GALNTL6: variants seen among roughly 807,000 people sequenced by gnomAD.
GALNTL6 encodes the protein polypeptide N-acetylgalactosaminyltransferase-like 6.
A neutral mutation model predicts 73.7 loss-of-function variants in GALNTL6; 46 were observed. That is an observed-to-expected ratio of 0.62 (90% CI 0.49 to 0.80). GALNTL6 has a LOEUF of 0.80. GALNTL6 is among the 30% of genes least tolerant of loss of function. The pLI, the probability that GALNTL6 is intolerant of heterozygous loss-of-function variation, is 0.00. For synonymous variants in GALNTL6, 259 were observed against 263.7 expected (o/e 0.98, Z 0.17); for missense variants, 604 against 755.0 (o/e 0.80, Z 2.34).
rs1740074781 is a variant in GALNTL6, at chr4:172,304,950, A to C, written c.248-6664A>C. On this transcript the variant is annotated intron_variant, in intron 3 of 12. Transcript: ENST00000506823. ...ATACAAAGTTCATTAGTTTTCCACAATTTTGAAACTCTTCTAGGTCTTATT... is the reference window on the plus strand; with the variant it reads ...ATACAAAGTTCATTAGTTTTCCACACTTTTGAAACTCTTCTAGGTCTTATT... Among the ~76,000 whole-genome samples the C allele has an allele frequency of 2.6e-5, 4 of 152,292 alleles. No homozygotes were observed. The South Asian group carries it at 8.3e-4, about 32-fold the overall frequency.
intron 10 of GALNTL6, among the ~76,000 whole-genome samples, chr4:173,007,719 TTGCTTGAACC>T (rs1752365657): frequency 6.6e-6 from 1 of 152,150 alleles, no homozygotes; most frequent in Non-Finnish European, 1.5e-5. Flanking sequence ...GGTAGGATAA[TTGCTTGAACC>T]TGGGAGGTGG....
At chr4:172,161,487 C>A (rs2110792643) in intron 2 of GALNTL6, among the ~76,000 whole-genome samples, 1 of 152,062 alleles carries the variant, frequency 6.6e-6, no homozygotes, top group Non-Finnish European at 1.5e-5. Context: ...GGTGAATACT[C>A]ATTGGCAGTA....
At chr4:172,108,616 C>T (rs1732756239) in intron 2 of GALNTL6, among the ~76,000 whole-genome samples, 1 of 152,118 alleles carries the variant, frequency 6.6e-6, no homozygotes, top group Admixed American at 6.5e-5. Context: ...CACAGATATA[C>T]CACACAATTT....
chr4:172,283,485 T>A (rs1252111311), intron 3 of GALNTL6, among the ~76,000 whole-genome samples: 1 of 152,138 alleles, frequency 6.6e-6, no homozygotes, highest in Non-Finnish European at 1.5e-5. Context: ...GTCTTCATAG[T>A]CTATCTGGGA....
chr4:172,819,151 A>G (rs1741784266), intron 7 of GALNTL6, among the ~76,000 whole-genome samples: 1 of 152,222 alleles, frequency 6.6e-6, no homozygotes, highest in Non-Finnish European at 1.5e-5. Context: ...CCATGCTAAA[A>G]TGGGGAAAAT....
chr4:172,918,245 G>T (rs939875397), intron 8 of GALNTL6, among the ~76,000 whole-genome samples: 1 of 152,018 alleles, frequency 6.6e-6, no homozygotes, highest in Admixed American at 6.5e-5. Context: ...GTTGTGGGGT[G>T]GGGGGAGGCA....
chr4:171,980,236 G>T (rs571767317), intron 2 of GALNTL6, among the ~76,000 whole-genome samples: 39 of 152,116 alleles, frequency 2.6e-4, no homozygotes, highest in Non-Finnish European at 4.1e-4. Context: ...GTAAACAGGG[G>T]TGGAAAAATC....
chr4:172,947,795 G>T (rs1231101609), intron 9 of GALNTL6, among the ~76,000 whole-genome samples: 1 of 152,180 alleles, frequency 6.6e-6, no homozygotes, highest in Non-Finnish European at 1.5e-5. Flanking sequence ...CTATCTCTGT[G>T]TATGTGAATG....
At position 171,834,026 on chromosome 4, in the gene GALNTL6, T is replaced by TA. The variant is rs756440028; in HGVS notation, c.138+19317dup. ...ATGAGAGACTTCTTTCTTTGAAAAA[T>TA]AAAAAAAAAGATTTCACTTACTTAT... On this transcript the variant is annotated intron_variant, in intron 2 of 12. Transcript: ENST00000506823. 2.2e-4 allele frequency among the ~76,000 whole-genome samples: 33 copies of TA among 150,364 alleles called. No individual in the cohort carries two copies. The East Asian group carries it at 5.4e-3, about 25-fold the overall frequency.
At chr4:172,175,409 T>G (rs1436534590) in intron 2 of GALNTL6, among the ~76,000 whole-genome samples, 1 of 152,104 alleles carries the variant, frequency 6.6e-6, no homozygotes, top group African/African-American at 2.4e-5. Context: ...AACTAGATGT[T>G]TGAATAGAGA....
chr4:172,479,389 A>T (rs1347474396), intron 5 of GALNTL6, among the ~76,000 whole-genome samples: 5 of 152,210 alleles, frequency 3.3e-5, no homozygotes, highest in African/African-American at 7.2e-5. Flanking sequence ...CTCAGTTATT[A>T]AAAAAGAATG....
intron 5 of GALNTL6, among the ~76,000 whole-genome samples, chr4:172,678,126 G>A (rs995799097): frequency 7.2e-5 from 11 of 152,112 alleles, no homozygotes; most frequent in African/African-American, 2.4e-4. Flanking sequence ...CCTCAGGCAG[G>A]CTTTCCTAAA....
intron 2 of GALNTL6, among the ~76,000 whole-genome samples, chr4:171,889,077 C>CTCTAGTATT (rs1221248925): frequency 1.3e-5 from 2 of 152,030 alleles, no homozygotes; most frequent in Admixed American, 1.3e-4. Flanking sequence ...TTGCTGGGGT[C>CTCTAGTATT]TCTAGTATTT....
rs534839048 is a variant in GALNTL6 at position 172,113,537 on chromosome 4, ATTATTT to A, written c.139-116109_139-116104del. Among the ~76,000 whole-genome samples the A allele has an allele frequency of 7.5e-3, 1,140 of 152,164 alleles. 19 individuals are homozygous for A. The highest frequency in any genetic ancestry group is 0.026 in the African/African-American group (1,092 of 41,558). On this transcript the variant is annotated intron_variant, in intron 2 of 12. Coordinates refer to ENST00000506823, the MANE Select transcript of GALNTL6 (RefSeq NM_001034845.3). ...TATAGATCTGAGTTAAGCAATGTCT[ATTATTT>A]TTATTTTTAAACATTTTGTCATTTT...
At chr4:172,696,500 C>T (rs1261426973) in intron 5 of GALNTL6, among the ~76,000 whole-genome samples, 1 of 152,082 alleles carries the variant, frequency 6.6e-6, no homozygotes, top group African/African-American at 2.4e-5. Context: ...TTGTAGCTCC[C>T]CATAATTCCC....
At chr4:172,537,432 T>C (rs1368595323) in intron 5 of GALNTL6, among the ~76,000 whole-genome samples, 1 of 152,198 alleles carries the variant, frequency 6.6e-6, no homozygotes, top group African/African-American at 2.4e-5. Context: ...TCCCCCAAGC[T>C]TTGGTGTGCA....
Position 172,981,198 on chromosome 4 carries a change from C to A in GALNTL6, c.1372-27980C>A, listed in dbSNP as rs76333677. ...TCTGTTCAAGCCCTTGCTATCAATT[C>A]TTTTGGGTATACACCTAGTAGTGGA... On this transcript the variant is annotated intron_variant, in intron 10 of 12. Transcript: ENST00000506823. Among the ~76,000 whole-genome samples the A allele has an allele frequency of 3.9e-3, 589 of 152,304 alleles. 3 individuals are homozygous for A. Among genetic ancestry groups the A allele is most frequent in the African/African-American group, 0.014 (562 of 41,564 alleles).
rs1416484069 is a variant in GALNTL6, at chr4:173,022,074, G to GGAAAGAAGGAAGGAAGGAAA, written c.1638+452_1638+453insAGAAGGAAGGAAGGAAAGAA. ...AGGAAGGAAGGAAGGAAGGAAGGAA[G>GGAAAGAAGGAAGGAAGGAAA]GAAGGAAGGAAGGAAAGAAGGAAGG... On this transcript the variant is annotated intron_variant, in intron 12 of 12. Coordinates refer to ENST00000506823, the MANE Select transcript of GALNTL6 (RefSeq NM_001034845.3). Among the ~76,000 whole-genome samples the GGAAAGAAGGAAGGAAGGAAA allele has an allele frequency of 9.1e-4, 98 of 107,600 alleles. 1 individual carries two copies. The highest frequency in any genetic ancestry group is 2.1e-3 in the Admixed American group (21 of 10,014). 70.6% of individuals were successfully genotyped at this position (107,600 alleles called of 152,430 possible).
chr4:171,902,057 T>C (rs1737117034), intron 2 of GALNTL6, among the ~76,000 whole-genome samples: 1 of 152,104 alleles, frequency 6.6e-6, no homozygotes, highest in African/African-American at 2.4e-5. Context: ...ATGTTGCTAG[T>C]TCAATTTTAT....
Sources: allele counts gnomAD v4.1 joint callset (sites outside exome capture counted in the v4.1 genomes callset), GRCh38; gene constraint gnomAD v4.1.1; transcripts MANE v1.5; gene names NCBI Gene and HGNC (gene_info 2026-07-23, HGNC 2026-07-21).